The following RSF1 variants were observed in gnomAD, a reference collection of about 807,000 sequenced individuals.
The protein encoded by RSF1 is remodeling and spacing factor 1.
Under a neutral mutation model 145.2 loss-of-function variants are expected in RSF1, and 13 were observed. That is an observed-to-expected ratio of 0.09 (90% confidence interval 0.06 to 0.14). The LOEUF (loss-of-function observed/expected upper bound fraction) is 0.14. Among genes scored for constraint, RSF1 ranks in the 10% least tolerant of loss-of-function variants. RSF1 has a pLI of 1.00. For synonymous variants in RSF1, 577 were observed against 592.6 expected, an observed-to-expected ratio of 0.97 and a Z score of 0.38; for missense variants, 1,517 against 1,718.2, an observed-to-expected ratio of 0.88 and a Z score of 2.07.
At chr11:77,669,622 T>C (rs1355739576) in intron 15 of RSF1, among the ~76,000 whole-genome samples, 5 of 152,222 alleles carry the variant, frequency 3.3e-5, no homozygotes, top group Admixed American at 1.3e-4. Context: ...AAGTGCTCAA[T>C]AGCCATATGA....
the RSF1 span, among the ~76,000 whole-genome samples, chr11:77,857,898 T>A: frequency 6.6e-6 from 1 of 152,110 alleles, no homozygotes; most frequent in African/African-American, 2.4e-5. Flanking sequence ...GGTTTCACCA[T>A]ATTGGCCAGG....
intron 1 of RSF1, among the ~76,000 whole-genome samples, chr11:77,794,218 C>G (rs1265720978): frequency 6.6e-6 from 1 of 152,210 alleles, no homozygotes; most frequent in East Asian, 1.9e-4. Context: ...AACATTCTAA[C>G]TAACTGCACA....
intron 3 of RSF1, among the ~76,000 whole-genome samples, chr11:77,742,441 A>C (rs560731384): frequency 2.1e-3 from 321 of 152,106 alleles, no homozygotes; most frequent in African/African-American, 7.3e-3. Context: ...CACCATGCCC[A>C]GCTAATTTTT....
At chr11:77,690,886 C>T in intron 9 of RSF1, 3 of 438,208 alleles carry the variant, frequency 6.8e-6, no homozygotes, top group East Asian at 4.1e-5. Flanking sequence ...AGCAAGGTTG[C>T]GTTCAATAAA....
chr11:77,761,129 C>T (rs1364285405), intron 2 of RSF1, among the ~76,000 whole-genome samples: 7 of 152,096 alleles, frequency 4.6e-5, no homozygotes, highest in East Asian at 1.9e-4. Context: ...TCAGTAGGGA[C>T]GGGGTTTCAC....
the RSF1 span, among the ~76,000 whole-genome samples, chr11:77,858,503 C>T: frequency 6.6e-6 from 1 of 151,798 alleles, no homozygotes; most frequent in Non-Finnish European, 1.5e-5. Flanking sequence ...TCTTTGCTAC[C>T]TGATTGGTTG....
chr11:77,777,268 T>C (rs1948351945), intron 1 of RSF1, among the ~76,000 whole-genome samples: 1 of 152,208 alleles, frequency 6.6e-6, no homozygotes, highest in Non-Finnish European at 1.5e-5. Context: ...TATTTTTAAA[T>C]AACCATATCA....
chr11:77,803,537 G>A (rs1948647129), intron 1 of RSF1, among the ~76,000 whole-genome samples: 1 of 151,640 alleles, frequency 6.6e-6, no homozygotes, highest in Admixed American at 6.6e-5. Context: ...CCAGCACTTT[G>A]GGAGGCCAAG....
Position 77,700,832 on chromosome 11 carries a change from T to A in RSF1, c.2397A>T (p.Lys799Asn). 1 of 1,613,482 alleles carries A rather than the reference T, an allele frequency of 6.2e-7. No individual in the cohort carries two copies. Among genetic ancestry groups the A allele is most frequent in the East Asian group, 2.2e-5 (1 of 44,866 alleles). ...CCACCTCATCTTCTCCTTCCCCTCT[T>A]TTTTTATCAGCTTTCTGATCTCTGA... ...AEIRDQKADK[K>N]RGEGEDEVEE... Residue 799 changes from lysine to asparagine, a missense_variant, in exon 6 of 16, where the codon AAA becomes AAT. This residue lies in a region of RSF1 where 579 missense variants were observed against 553.5 expected (regional missense o/e 1.05). Transcript: ENST00000308488.
chr11:77,767,701 T>C (rs1420112042), intron 1 of RSF1, among the ~76,000 whole-genome samples: 3 of 152,220 alleles, frequency 2.0e-5, no homozygotes, highest in African/African-American at 7.2e-5. Context: ...CCGTGATAGA[T>C]TTCTAGTACC....
rs1960439321 is a variant in RSF1 at position 77,702,070 on chromosome 11, G to A, written c.1159C>T (p.Arg387Ter). 6.2e-7 allele frequency: 1 copy of A among 1,612,508 alleles called. No homozygotes were observed. Among genetic ancestry groups the A allele is most frequent in the Admixed American group, 1.7e-5 (1 of 59,668 alleles). The part of the protein sequence containing the change: ...DQQAKIPLKK[R>*]EIKLSDDFDS... ...AAATCATCACTCAGTTTAATTTCTC[G>A]TTTTTTTAGTGGTATCTTGGCCTGC... The change falls in exon 6 of 16, where the codon CGA (arginine) becomes TGA (stop). Residue 387 changes from arginine (R) to a stop codon, truncating the protein, a stop_gained. Coordinates refer to ENST00000308488, the MANE Select transcript of RSF1 (RefSeq NM_016578.4). LOFTEE classifies it high-confidence loss of function.
At chr11:77,798,882 A>T (rs1041974285) in intron 1 of RSF1, among the ~76,000 whole-genome samples, 1 of 151,500 alleles carries the variant, frequency 6.6e-6, no homozygotes, top group Admixed American at 6.6e-5. Context: ...TACCTAATGT[A>T]GGTGACGGGT....
chr11:77,694,546 T>A (rs968348033), intron 7 of RSF1, among the ~76,000 whole-genome samples: 2 of 152,242 alleles, frequency 1.3e-5, no homozygotes, highest in African/African-American at 4.8e-5. Flanking sequence ...GAAAACTTTT[T>A]ACTTTTAAAT....
At chr11:77,864,837 G>T in the RSF1 span, among the ~76,000 whole-genome samples, 1 of 152,098 alleles carries the variant, frequency 6.6e-6, no homozygotes, top group East Asian at 1.9e-4. Flanking sequence ...AAATTAGCCA[G>T]GCATGGTGGC....
chr11:77,756,028 A>T (rs552743912), intron 2 of RSF1, among the ~76,000 whole-genome samples: 197 of 152,302 alleles, frequency 1.3e-3, no homozygotes, highest in African/African-American at 4.5e-3. Flanking sequence ...AAATTATCTT[A>T]ACAATAATTT....
At chr11:77,695,140 T>G (rs1960251058) in intron 7 of RSF1, among the ~76,000 whole-genome samples, 1 of 152,184 alleles carries the variant, frequency 6.6e-6, no homozygotes, top group Non-Finnish European at 1.5e-5. Flanking sequence ...GTAAGGGAAT[T>G]AAGTTTTCTA....
intron 4 of RSF1, among the ~76,000 whole-genome samples, chr11:77,731,206 G>A (rs1961199970): frequency 6.6e-6 from 1 of 152,208 alleles, no homozygotes; most frequent in Non-Finnish European, 1.5e-5. Context: ...ACAGGAGTAA[G>A]GGTGAGTTTT....
At chr11:77,737,721 G>C (rs1353848609) in intron 4 of RSF1, among the ~76,000 whole-genome samples, 1 of 83,920 alleles carries the variant, frequency 1.2e-5, no homozygotes, top group African/African-American at 4.2e-5. Flanking sequence ...TCAAGCATGA[G>C]AAGAGGTGAA....
At chr11:77,830,578 C>T in the RSF1 span, among the ~76,000 whole-genome samples, 2 of 150,740 alleles carry the variant, frequency 1.3e-5, no homozygotes, top group Non-Finnish European at 2.9e-5. Flanking sequence ...AAGGTGCCCC[C>T]GACCCCTTCT....
Sources: gnomAD v4.1 joint callset for allele counts (sites outside exome capture counted in the v4.1 genomes callset) on GRCh38, gnomAD v4.1.1 for gene constraint, gnomAD v4.1.1 regional missense constraint, MANE v1.5 for transcripts, NCBI Gene and HGNC (gene_info 2026-07-23, HGNC 2026-07-21) for gene names.